Variants in SGCZ observed in about 807,000 individuals in gnomAD.
The protein encoded by SGCZ is zeta-sarcoglycan.
In SGCZ, 40 loss-of-function variants were observed where a neutral mutation model predicts 41.3. That is an observed-to-expected ratio of 0.97 (90% CI 0.75 to 1.26). The LOEUF (loss-of-function observed/expected upper bound fraction) is 1.26. SGCZ is among the 50% of genes most tolerant of loss of function. The pLI is 0.00. For missense variants in SGCZ, 552 were observed against 369.8 expected (o/e 1.49, Z -4.04); for synonymous variants, 206 against 137.5 (o/e 1.50, Z -3.49).
At chr8:15,096,086 TA>T (rs775444535) in intron 1 of SGCZ, among the ~76,000 whole-genome samples, 5 of 152,170 alleles carry the variant, frequency 3.3e-5, no homozygotes, top group Non-Finnish European at 7.3e-5. Flanking sequence ...CTTATTTATT[TA>T]TTTTTTTTGA....
intron 2 of SGCZ, among the ~76,000 whole-genome samples, chr8:14,431,915 A>C (rs1467496968): frequency 6.6e-6 from 1 of 152,232 alleles, no homozygotes; most frequent in Non-Finnish European, 1.5e-5. Flanking sequence ...ATGGCCAACA[A>C]ACATATGAAA....
intron 2 of SGCZ, among the ~76,000 whole-genome samples, chr8:14,326,144 C>CAAGA (rs1280141704): frequency 9.1e-5 from 5 of 54,982 alleles, no homozygotes; most frequent in Admixed American, 6.4e-4. Context: ...GAGGACGTGT[C>CAAGA]AAGAAATACT....
chr8:14,623,784 T>C (rs1030866973), intron 1 of SGCZ, among the ~76,000 whole-genome samples: 1 of 152,176 alleles, frequency 6.6e-6, no homozygotes, highest in Non-Finnish European at 1.5e-5. Context: ...AGATTTCTCA[T>C]GTAGAAAGTC....
At chr8:14,724,461 T>G (rs959800351) in intron 1 of SGCZ, among the ~76,000 whole-genome samples, 1 of 151,872 alleles carries the variant, frequency 6.6e-6, no homozygotes, top group Non-Finnish European at 1.5e-5. Context: ...ATTATTATAT[T>G]AACTTCAAAT....
intron 1 of SGCZ, among the ~76,000 whole-genome samples, chr8:14,559,791 A>G (rs928961960): frequency 6.6e-6 from 1 of 152,260 alleles, no homozygotes; most frequent in Middle Eastern, 3.4e-3. Context: ...ATAACGGTAG[A>G]TAATTCATAG....
intron 1 of SGCZ, among the ~76,000 whole-genome samples, chr8:14,952,305 T>A (rs1422496236): frequency 6.6e-6 from 1 of 152,168 alleles, no homozygotes; most frequent in Non-Finnish European, 1.5e-5. Context: ...AAAACCAATT[T>A]GAAGTTATAT....
At chr8:14,210,920 C>A (rs1805784012) in intron 4 of SGCZ, among the ~76,000 whole-genome samples, 1 of 152,106 alleles carries the variant, frequency 6.6e-6, no homozygotes. Context: ...CAGTATTTTG[C>A]AAGCCAGTCA....
At chr8:14,998,324 T>G (rs1478309943) in intron 1 of SGCZ, among the ~76,000 whole-genome samples, 1 of 152,238 alleles carries the variant, frequency 6.6e-6, no homozygotes, top group Non-Finnish European at 1.5e-5. Context: ...CAAATACTCC[T>G]TGATAGAAAG....
intron 1 of SGCZ, among the ~76,000 whole-genome samples, chr8:14,812,633 C>G (rs1363863599): frequency 6.6e-6 from 1 of 152,016 alleles, no homozygotes; most frequent in Non-Finnish European, 1.5e-5. Flanking sequence ...CAGCACAAAA[C>G]TATATAAGTG....
chr8:15,055,238 C>T (rs1178268708), intron 1 of SGCZ, among the ~76,000 whole-genome samples: 2 of 152,144 alleles, frequency 1.3e-5, no homozygotes, highest in Non-Finnish European at 2.9e-5. Context: ...ATCCATAAAA[C>T]AGATATTTTA....
chr8:14,937,464 T>C (rs115003367), intron 1 of SGCZ, among the ~76,000 whole-genome samples: 42 of 152,142 alleles, frequency 2.8e-4, no homozygotes, highest in African/African-American at 9.9e-4. Context: ...TTCCAATGCC[T>C]TCATAAGAAA....
chr8:14,611,983 C>G (rs987935624), intron 1 of SGCZ, among the ~76,000 whole-genome samples: 4 of 152,124 alleles, frequency 2.6e-5, no homozygotes, highest in Non-Finnish European at 5.9e-5. Flanking sequence ...TCTTATTGCT[C>G]TAGGACAAGG....
intron 1 of SGCZ, among the ~76,000 whole-genome samples, chr8:15,115,768 T>A (rs1191595864): frequency 6.6e-6 from 1 of 152,256 alleles, no homozygotes; most frequent in African/African-American, 2.4e-5. Context: ...TAAGCTATTT[T>A]AAAACACATG....
At chr8:14,543,220 T>C (rs962179368) in intron 2 of SGCZ, among the ~76,000 whole-genome samples, 25 of 152,102 alleles carry the variant, frequency 1.6e-4, no homozygotes, top group African/African-American at 5.8e-4. Flanking sequence ...TTGCTCCTAA[T>C]ACTGTACTAG....
At chr8:14,554,281 T>A (rs1425962501) in intron 2 of SGCZ, among the ~76,000 whole-genome samples, 1 of 152,058 alleles carries the variant, frequency 6.6e-6, no homozygotes, top group Non-Finnish European at 1.5e-5. Context: ...AGTCATGCAG[T>A]GTGTTACATA....
At chr8:14,647,793 A>G (rs1411672489) in intron 1 of SGCZ, among the ~76,000 whole-genome samples, 4 of 152,078 alleles carry the variant, frequency 2.6e-5, no homozygotes, top group African/African-American at 7.2e-5. Flanking sequence ...AATGACATCA[A>G]GATGATGCTA....
chr8:14,313,636 G>A (rs1330864197), intron 3 of SGCZ, among the ~76,000 whole-genome samples: 3 of 152,038 alleles, frequency 2.0e-5, no homozygotes, highest in Non-Finnish European at 4.4e-5. Flanking sequence ...ATGCCTGGCT[G>A]GTCTGATAAC....
chr8:14,877,324 A>C (rs1344878772), intron 1 of SGCZ, among the ~76,000 whole-genome samples: 1 of 152,168 alleles, frequency 6.6e-6, no homozygotes, highest in Non-Finnish European at 1.5e-5. Flanking sequence ...TCTTGGCTAC[A>C]TCATGTCTGA....
intron 6 of SGCZ, among the ~76,000 whole-genome samples, chr8:14,104,080 A>T (rs1798219680): frequency 6.6e-6 from 1 of 152,158 alleles, no homozygotes; most frequent in Non-Finnish European, 1.5e-5. Context: ...ATTATAGTAG[A>T]GGTTTTCAAT....
Sources: gnomAD v4.1 joint callset for allele counts (sites outside exome capture counted in the v4.1 genomes callset) on GRCh38, gnomAD v4.1.1 for gene constraint, MANE v1.5 for transcripts, NCBI Gene and HGNC (gene_info 2026-07-23, HGNC 2026-07-21) for gene names.